The following ATP6V0B variants were observed in gnomAD, a reference collection of about 807,000 sequenced individuals.
ATP6V0B encodes the protein ATPase H+ transporting V0 subunit b.
A neutral mutation model predicts 26.2 loss-of-function variants in ATP6V0B; 4 were observed. The observed-to-expected ratio is 0.15, with a 90% CI of 0.08 to 0.35. The LOEUF (loss-of-function observed/expected upper bound fraction) is 0.35. ATP6V0B is among the 10% of genes least tolerant of loss of function. The pLI is 1.00. For missense variants in ATP6V0B, 175 were observed against 272.5 expected, an observed-to-expected ratio of 0.64 and a Z score of 2.52; for synonymous variants, 110 against 105.8, an observed-to-expected ratio of 1.04 and a Z score of -0.24.
chr1:43,977,662 G>A (rs2085537393), intron 7 of ATP6V0B: 2 of 1,423,504 alleles, frequency 1.4e-6, no homozygotes, highest in African/African-American at 1.4e-5. Context: ...AATTGTGTGT[G>A]TCTAGTCTGT....
In ATP6V0B at chr1:43,977,170, T is replaced by G. The variant is rs867914095; in HGVS notation, c.545T>G (p.Phe182Cys). Reference sequence around the variant, plus strand: ...GTAAAGATTCTCATCGTGGAGATCTTTGGCAGCGCCATTGGCCTCTTTGGG... The same window carrying G: ...GTAAAGATTCTCATCGTGGAGATCTGTGGCAGCGCCATTGGCCTCTTTGGG... The part of the protein sequence containing the change: ...LFVKILIVEI[F>C]GSAIGLFGVI... The change falls in exon 7 of 8, where the codon TTT becomes TGT. Residue 182 changes from phenylalanine to cysteine, a missense_variant. Physicochemically the swap from Phe to Cys is radical, Grantham distance 205. Transcript: ENST00000472174. 10 of 1,614,092 alleles carry G rather than the reference T, an allele frequency of 6.2e-6. No individual in the cohort carries two copies. The highest frequency in any genetic ancestry group is 3.3e-5 in the South Asian group (3 of 91,074).
Position 43,976,611 on chromosome 1 carries a change from G to A in ATP6V0B, c.300G>A (p.Val100=), listed in dbSNP as rs1286620869. The stretch of plus-strand genomic sequence containing the variant: ...CCAGCATCATCTTCTGTGAGGCTGT[G>A]GCCATCTACGGCATCATCATGGCAA... ...NLVSIIFCEA[V]AIYGIIMAIV... is the part of the protein sequence containing the mutation. The change falls in exon 5 of 8, where the codon GTG becomes GTA. Residue 100 remains valine, a synonymous_variant. Transcript: ENST00000472174. This position sits in a 1 kb window ranked among gnomAD's most constrained non-coding sequence, Gnocchi z 4.6. The A allele has an allele frequency of 1.2e-6, 2 of 1,614,068 alleles. No individual in the cohort carries two copies. The highest frequency in any genetic ancestry group is 1.3e-5 in the African/African-American group (1 of 74,912).
rs770870823 is a variant in ATP6V0B, at chr1:43,976,816, A to G, written c.392A>G (p.Tyr131Cys). ...CCCAAGGCCATCGGCCATCGGAACT[A>G]CCATGCAGGTGGGTGGATGGGCGTA... The part of the protein sequence containing the change: ...TDPKAIGHRN[Y>C]HAGYSMFGAG... The change falls in exon 6 of 8, where the codon TAC becomes TGC. Residue 131 changes from tyrosine to cysteine, a missense_variant. Tyr to Cys is a radical substitution (Grantham distance 194, BLOSUM62 -2). Coordinates refer to ENST00000472174, the MANE Select transcript of ATP6V0B (RefSeq NM_004047.5). The surrounding 1 kb of genome is among the most constrained non-coding windows in gnomAD (Gnocchi z 4.6). 1 of 1,614,176 alleles carries G rather than the reference A, an allele frequency of 6.2e-7. No individual in the cohort carries two copies.
chr1:43,977,283 A>T (rs939810460), intron 7 of ATP6V0B, 67 bp downstream of exon 7: 2 of 1,613,622 alleles, frequency 1.2e-6, no homozygotes, highest in African/African-American at 2.7e-5. Flanking sequence ...CCTTCTGGAG[A>T]AGCTGAAGTG....
In ATP6V0B at chr1:43,976,015, G is replaced by A; in HGVS notation, c.117-75G>A. On this transcript the variant is annotated intron_variant, in intron 2 of 7. Coordinates refer to ENST00000472174, the MANE Select transcript of ATP6V0B (RefSeq NM_004047.5). The surrounding 1 kb of genome is among the most constrained non-coding windows in gnomAD (Gnocchi z 4.6). ...TAGAACTGGTGGTGGGGTTGAAGGG[G>A]GTTTGAGGGGTTAAGATTTTGTGCT... 1 of 1,553,226 alleles carries A rather than the reference G, an allele frequency of 6.4e-7. No homozygotes were observed. The highest frequency in any genetic ancestry group is 8.9e-7 in the Non-Finnish European group (1 of 1,125,468).
In ATP6V0B at chr1:43,978,249, C is replaced by T; in HGVS notation, c.*242C>T. ...TGTGTCCCCCACCTCCACCCTCAAC[C>T]CATCTTCCTAGTGTTTGTGAAATAA... On this transcript the variant is annotated 3_prime_UTR_variant, in exon 8 of 8. Coordinates refer to ENST00000472174, the MANE Select transcript of ATP6V0B (RefSeq NM_004047.5). The T allele has an allele frequency of 1.7e-6, 1 of 599,558 alleles. No homozygotes were observed. Among genetic ancestry groups the T allele is most frequent in the Non-Finnish European group, 3.0e-6 (1 of 336,128 alleles). 37.1% of individuals were successfully genotyped at this position (599,558 alleles called of 1,614,324 possible). A position where few individuals can be genotyped will look rare whatever the true frequency, so the allele number is the denominator to read the frequency against.
chr1:43,975,433 C>A, intron 1 of ATP6V0B: 1 of 548,630 alleles, frequency 1.8e-6, no homozygotes, highest in South Asian at 2.2e-5. Context: ...GCCGGCTGCT[C>A]CGGTTCCTCT....
chr1:43,977,936 C>T, intron 7 of ATP6V0B, 45 bp from the exon 8 acceptor site: 1 of 1,614,158 alleles, frequency 6.2e-7, no homozygotes, highest in Non-Finnish European at 8.5e-7. Flanking sequence ...ACTGCCTTAC[C>T]TATTCCTCTG....
At position 43,976,766 on chromosome 1, in the gene ATP6V0B, C is replaced by T; in HGVS notation, c.349-7C>T. 1 of 1,614,154 alleles carries T rather than the reference C, an allele frequency of 6.2e-7. No homozygotes were observed. Among genetic ancestry groups the T allele is most frequent in the Non-Finnish European group, 8.5e-7 (1 of 1,180,032 alleles). The stretch of plus-strand genomic sequence containing the variant: ...ATGGTTTCTGATTACTTTTCTTCTT[C>T]CCTCAGCCTTTCAGTGCCACAGACC... On this transcript the variant is annotated splice_region_variant and splice_polypyrimidine_tract_variant and intron_variant, in intron 5 of 7. Transcript: ENST00000472174. The surrounding 1 kb of genome is among the most constrained non-coding windows in gnomAD (Gnocchi z 4.6).
chr1:43,975,006 GC>G lies in ATP6V0B; in HGVS notation c.-31del, dbSNP rs2085500699. On this transcript the variant is annotated 5_prime_UTR_variant, in exon 1 of 8. Coordinates refer to ENST00000472174, the MANE Select transcript of ATP6V0B (RefSeq NM_004047.5). ...ACGCTGGGACGCGTTTGTAGCTCCGGCCCCGCCGTTCCGACCCCCGCCGCCG... is the reference window on the plus strand; with the variant it reads ...ACGCTGGGACGCGTTTGTAGCTCCGGCCCGCCGTTCCGACCCCCGCCGCCG... The G allele has an allele frequency of 2.4e-6, 3 of 1,260,508 alleles. No homozygotes were observed. Among genetic ancestry groups the G allele is most frequent in the East Asian group, 3.2e-5 (1 of 31,708 alleles). The allele number at this position is 1,260,508 out of a possible 1,614,324, so 78.1% of individuals were successfully genotyped here. A position where few individuals can be genotyped will look rare whatever the true frequency, so the allele number is the denominator to read the frequency against.
intron 2 of ATP6V0B, 60 bp downstream of exon 2, chr1:43,975,908 T>A (rs1232363865): frequency 4.8e-5 from 74 of 1,538,414 alleles, no homozygotes; most frequent in Non-Finnish European, 6.4e-5. Flanking sequence ...CTCTCTTCTT[T>A]TCTCTGGTCT....
Position 43,978,239 on chromosome 1 carries a change from C to T in ATP6V0B, c.*232C>T. 1 of 610,162 alleles carries T rather than the reference C, an allele frequency of 1.6e-6. No individual in the cohort carries two copies. Among genetic ancestry groups the T allele is most frequent in the Non-Finnish European group, 2.9e-6 (1 of 342,886 alleles). The allele number at this position is 610,162 out of a possible 1,614,324, so 37.8% of individuals were successfully genotyped here. On this transcript the variant is annotated 3_prime_UTR_variant, in exon 8 of 8. Transcript: ENST00000472174. ...GCTGCGCACCTGTGTCCCCCACCTC[C>T]ACCCTCAACCCATCTTCCTAGTGTT...
chr1:43,977,498 C>G, intron 7 of ATP6V0B: 1 of 1,430,774 alleles, frequency 7.0e-7, no homozygotes, highest in East Asian at 2.5e-5. Context: ...CTCATTTTAT[C>G]TGCCATGCTT....
Position 43,976,073 on chromosome 1 carries a change from C to T in ATP6V0B, c.117-17C>T, listed in dbSNP as rs370541094. ...CCTGCTAGAGCTGAACTGCTTTCTT[C>T]TCTGCTTCCACAACAGGTTCCTGAC... On this transcript the variant is annotated splice_polypyrimidine_tract_variant and intron_variant, in intron 2 of 7. Coordinates refer to ENST00000472174, the MANE Select transcript of ATP6V0B (RefSeq NM_004047.5). The surrounding 1 kb of genome is among the most constrained non-coding windows in gnomAD (Gnocchi z 4.6). 2 of 1,612,924 alleles carry T rather than the reference C, an allele frequency of 1.2e-6. No homozygotes were observed. Among genetic ancestry groups the T allele is most frequent in the Non-Finnish European group, 1.7e-6 (2 of 1,179,024 alleles).
chr1:43,977,911 C>T, intron 7 of ATP6V0B, 70 bp from the exon 8 acceptor site: 1 of 1,614,134 alleles, frequency 6.2e-7, no homozygotes, highest in Non-Finnish European at 8.5e-7. Flanking sequence ...TAGATGTCAT[C>T]TTCTATCATT....
intron 1 of ATP6V0B, 70 bp from the exon 2 acceptor site, chr1:43,975,730 C>T: frequency 6.4e-7 from 1 of 1,567,074 alleles, no homozygotes; most frequent in South Asian, 1.1e-5. Context: ...AGCTCGGCAG[C>T]TACTTTAGGT....
chr1:43,976,275 C>T lies in ATP6V0B; in HGVS notation c.201-27C>T. On this transcript the variant is annotated intron_variant, in intron 3 of 7. Transcript: ENST00000472174. This position sits in a 1 kb window ranked among gnomAD's most constrained non-coding sequence, Gnocchi z 4.6. The stretch of plus-strand genomic sequence containing the variant: ...GAGGGCAGTGACAGCTTGGGCTCTG[C>T]TCATCAGTTTTTTATCCTTCCACCA... 6 of 1,612,444 alleles carry T rather than the reference C, an allele frequency of 3.7e-6. No individual in the cohort carries two copies. The highest frequency in any genetic ancestry group is 5.1e-6 in the Non-Finnish European group (6 of 1,178,694).
chr1:43,976,470 C>G lies in ATP6V0B; in HGVS notation c.278+91C>G. The G allele has an allele frequency of 6.5e-7, 1 of 1,539,884 alleles. No homozygotes were observed. The highest frequency in any genetic ancestry group is 1.4e-5 in the African/African-American group (1 of 73,218). ...CTGACATACTGTTTCTGACAAGCCA[C>G]CTTGTGGGATGGGATGTTATAGGGG... On this transcript the variant is annotated intron_variant, in intron 4 of 7. Transcript: ENST00000472174. The surrounding 1 kb of genome is among the most constrained non-coding windows in gnomAD (Gnocchi z 4.6).
In ATP6V0B at chr1:43,974,975, C is replaced by G. The variant is rs1416708433; in HGVS notation, c.-66C>G. The G allele has an allele frequency of 3.4e-6, 4 of 1,183,364 alleles. No homozygotes were observed. In the African/African-American group the frequency reaches 4.8e-5, roughly 14 times the overall value. The allele number at this position is 1,183,364 out of a possible 1,614,324, so 73.3% of individuals were successfully genotyped here. On this transcript the variant is annotated 5_prime_UTR_variant, in exon 1 of 8. Coordinates refer to ENST00000472174, the MANE Select transcript of ATP6V0B (RefSeq NM_004047.5). ...GCGGGCGGACAGACTGCGGGACGGA[C>G]GGTGGACGCTGGGACGCGTTTGTAG...
Sources: gnomAD v4.1 joint callset for allele counts on GRCh38, gnomAD v4.1.1 for gene constraint, Gnocchi (gnomAD v3.1) non-coding constraint, MANE v1.5 for transcripts, NCBI Gene and HGNC (gene_info 2026-07-23, HGNC 2026-07-21) for gene names.